The following NUFIP1 variants were observed in gnomAD, a reference collection of about 807,000 sequenced individuals.
NUFIP1 encodes nuclear FMR1 interacting protein 1.
A neutral mutation model predicts 56.2 loss-of-function variants in NUFIP1; 38 were observed. The observed-to-expected ratio is 0.68, with a 90% CI of 0.52 to 0.89. The LOEUF (loss-of-function observed/expected upper bound fraction) is 0.89. NUFIP1 is among the 40% of genes least tolerant of loss of function. The pLI is 0.00. For missense variants in NUFIP1, 567 were observed against 605.8 expected, an observed-to-expected ratio of 0.94 and a Z score of 0.67; for synonymous variants, 215 against 212.4, an observed-to-expected ratio of 1.01 and a Z score of -0.10.
At chr13:44,955,583 T>C (rs1411212403) in intron 7 of NUFIP1, among the ~76,000 whole-genome samples, 1 of 152,184 alleles carries the variant, frequency 6.6e-6, no homozygotes, top group Non-Finnish European at 1.5e-5. Flanking sequence ...ATGAGAACAG[T>C]GGGTCTTGTT....
At chr13:44,984,509 G>A (rs937799907) in intron 1 of NUFIP1, among the ~76,000 whole-genome samples, 2 of 152,134 alleles carry the variant, frequency 1.3e-5, no homozygotes, top group African/African-American at 2.4e-5. Context: ...AGGTGTGGTA[G>A]TGCGTGCCTG....
At chr13:44,955,426 G>A (rs527382302) in intron 7 of NUFIP1, among the ~76,000 whole-genome samples, 6 of 152,354 alleles carry the variant, frequency 3.9e-5, no homozygotes, top group Admixed American at 6.5e-5. Flanking sequence ...TGAAAGTTAT[G>A]AAGATCCTCT....
intron 8 of NUFIP1, among the ~76,000 whole-genome samples, chr13:44,946,866 C>T (rs1446961457): frequency 1.3e-5 from 2 of 152,130 alleles, no homozygotes; most frequent in Non-Finnish European, 2.9e-5. Context: ...AATATCCCAT[C>T]CTAGAGCCCA....
chr13:44,987,029 A>G (rs1872422753), intron 1 of NUFIP1, among the ~76,000 whole-genome samples: 1 of 152,020 alleles, frequency 6.6e-6, no homozygotes, highest in South Asian at 2.1e-4. Flanking sequence ...TTTGTTGCCC[A>G]GGCAGGTCTC....
At position 44,989,390 on chromosome 13, in the gene NUFIP1, G is replaced by C; in HGVS notation, c.47C>G (p.Ala16Gly). Residue 16 changes from alanine (A) to glycine (G), a missense_variant, in exon 1 of 10, where the codon GCG becomes GGG. Physicochemically the swap from Ala to Gly is moderately conservative, Grantham distance 60. Transcript: ENST00000379161. ...SDFETPIGWH[A>G]SPELTPTLGP... ...TAACGTGGGAGTCAGCTCGGGAGAC[G>C]CATGCCACCCGATAGGAGTCTCGAA... The C allele has an allele frequency of 6.2e-7, 1 of 1,613,346 alleles. No individual in the cohort carries two copies. The highest frequency in any genetic ancestry group is 8.5e-7 in the Non-Finnish European group (1 of 1,179,802).
In NUFIP1 at chr13:44,940,018, A is replaced by G. The variant is rs1870675467; in HGVS notation, c.*1188T>C. The G allele has an allele frequency of 6.6e-6, 1 of 152,192 alleles. No homozygotes were observed. Among genetic ancestry groups the G allele is most frequent in the Non-Finnish European group, 1.5e-5 (1 of 68,018 alleles). 9.4% of individuals were successfully genotyped at this position (152,192 alleles called of 1,614,324 possible). A position where few individuals can be genotyped will look rare whatever the true frequency, so the allele number is the denominator to read the frequency against. Reference sequence around the variant, plus strand: ...ACATCTTTGAATATATCAAAATTAAACTGAGTTCCTTGAAGTCAGACATGG... The same window carrying G: ...ACATCTTTGAATATATCAAAATTAAGCTGAGTTCCTTGAAGTCAGACATGG... On this transcript the variant is annotated 3_prime_UTR_variant, in exon 10 of 10. Coordinates refer to ENST00000379161, the MANE Select transcript of NUFIP1 (RefSeq NM_012345.3).
rs1416438420 is a variant in NUFIP1, at chr13:44,989,341, C to A, written c.96G>T (p.Pro32=). The A allele has an allele frequency of 6.2e-7, 1 of 1,612,942 alleles. No homozygotes were observed. Among genetic ancestry groups the A allele is most frequent in the Middle Eastern group, 1.7e-4 (1 of 6,060 alleles). The change falls in exon 1 of 10, where the codon CCG becomes CCT. Residue 32 remains proline (P), a synonymous_variant. Transcript: ENST00000379161. The part of the protein sequence containing the change: ...PTLGPLSDTA[P]PRDSWMFWAM... ...CCCAGAACATCCAGCTGTCCCGCGG[C>A]GGGGCAGTGTCGCTCAGGGGCCCTA... is the stretch of plus-strand genomic sequence containing the variant.
chr13:44,976,430 GGAGGAA>G (rs1257964007), intron 5 of NUFIP1, among the ~76,000 whole-genome samples: 6 of 150,586 alleles, frequency 4.0e-5, no homozygotes, highest in South Asian at 4.2e-4. Flanking sequence ...AAGAGGAGGA[GGAGGAA>G]GAGGAAGAGG....
intron 5 of NUFIP1, among the ~76,000 whole-genome samples, chr13:44,968,389 T>G (rs1229810369): frequency 9.5e-6 from 1 of 104,762 alleles, no homozygotes; most frequent in African/African-American, 3.8e-5. Flanking sequence ...ACTTCTAAAC[T>G]AAAGGAACAC....
intron 5 of NUFIP1, among the ~76,000 whole-genome samples, chr13:44,976,281 AAAG>A (rs1006014538): frequency 4.9e-4 from 74 of 152,196 alleles, no homozygotes; most frequent in African/African-American, 1.6e-3. Context: ...GCAAAAAATG[AAAG>A]AAGAAGGAAG....
chr13:44,966,474 C>T (rs1871606035), intron 5 of NUFIP1, among the ~76,000 whole-genome samples: 1 of 151,908 alleles, frequency 6.6e-6, no homozygotes, highest in Admixed American at 6.5e-5. Context: ...GCCATCACGC[C>T]CAGCTAATTT....
intron 9 of NUFIP1, 71 bp downstream of exon 9, chr13:44,943,371 C>CACAG: frequency 7.7e-7 from 1 of 1,297,148 alleles, no homozygotes; most frequent in Non-Finnish European, 1.1e-6. Flanking sequence ...CACACACACA[C>CACAG]ACACACCCCA....
At chr13:44,976,302 A>AAGGAGAAGAAAGGAGG (rs1039931548) in intron 5 of NUFIP1, among the ~76,000 whole-genome samples, 7 of 151,846 alleles carry the variant, frequency 4.6e-5, no homozygotes, top group East Asian at 1.9e-4. Flanking sequence ...AAGGAAGGAG[A>AAGGAGAAGAAAGGAGG]AGGAGAAGAA....
rs758635463 is a variant in NUFIP1 at position 44,989,416 on chromosome 13, A to G, written c.21T>C (p.Asp7=). 6.2e-7 allele frequency: 1 copy of G among 1,613,528 alleles called. No individual in the cohort carries two copies. The highest frequency in any genetic ancestry group is 1.1e-5 in the South Asian group (1 of 90,942). The change falls in exon 1 of 10, where the codon GAT becomes GAC. Residue 7 remains aspartate (D), a synonymous_variant. Transcript: ENST00000379161. Reference sequence around the variant, plus strand: ...CATGCCACCCGATAGGAGTCTCGAAATCACTAGTCGGCTCAGCCATACCAC... The same window carrying G: ...CATGCCACCCGATAGGAGTCTCGAAGTCACTAGTCGGCTCAGCCATACCAC... The part of the protein sequence containing the change: MAEPTS[D]FETPIGWHAS...
At chr13:44,946,147 G>C (rs1186925674) in intron 8 of NUFIP1, among the ~76,000 whole-genome samples, 1 of 151,920 alleles carries the variant, frequency 6.6e-6, no homozygotes, top group African/African-American at 2.4e-5. Flanking sequence ...ACTCAATTCA[G>C]GAACACAAAG....
intron 4 of NUFIP1, 126 bp from the exon 5 acceptor site, chr13:44,979,392 T>C (rs1872103818): frequency 1.5e-6 from 1 of 659,494 alleles, no homozygotes; most frequent in Non-Finnish European, 2.5e-6. Context: ...GCAGGTTGTA[T>C]CTATTTGTGT....
rs1374745997 is a variant in NUFIP1 at position 44,979,955 on chromosome 13, A to G, written c.595-3T>C. 12 of 1,593,070 alleles carry G rather than the reference A, an allele frequency of 7.5e-6. No individual in the cohort carries two copies. Among genetic ancestry groups the G allele is most frequent in the South Asian group, 1.2e-5 (1 of 86,228 alleles). ...AAAGAGCAATCTAATTCAGGGCACT[A>G]TGAGTTTTTAAAAGAAAAAAAAAAC... On this transcript the variant is annotated splice_region_variant and splice_polypyrimidine_tract_variant and intron_variant, in intron 3 of 9. Transcript: ENST00000379161.
intron 6 of NUFIP1, among the ~76,000 whole-genome samples, chr13:44,963,308 G>A (rs1453641049): frequency 6.6e-6 from 1 of 152,012 alleles, no homozygotes; most frequent in East Asian, 1.9e-4. Context: ...TATTCTAAGT[G>A]GTATCTTTTA....
At chr13:44,956,704 ATCTGACAGG>A (rs1871256323) in intron 7 of NUFIP1, among the ~76,000 whole-genome samples, 1 of 152,150 alleles carries the variant, frequency 6.6e-6, no homozygotes, top group Non-Finnish European at 1.5e-5. Context: ...GCTGCTGCTG[ATCTGACAGG>A]AGGCGGAGCT....
Sources: allele counts gnomAD v4.1 joint callset (sites outside exome capture counted in the v4.1 genomes callset), GRCh38; gene constraint gnomAD v4.1.1; transcripts MANE v1.5; gene names NCBI Gene and HGNC (gene_info 2026-07-23, HGNC 2026-07-21).